The following IQCM variants were observed in gnomAD, a reference collection of about 807,000 sequenced individuals.
IQCM encodes IQ domain-containing protein M.
A neutral mutation model predicts 57.6 loss-of-function variants in IQCM; 45 were observed. That is an observed-to-expected ratio of 0.78 (90% confidence interval 0.62 to 1.00). The LOEUF (loss-of-function observed/expected upper bound fraction) is 1.00, where lower values mean the gene tolerates loss of function less well. Among genes scored for constraint, IQCM ranks in the 50% least tolerant of loss-of-function variants. The pLI, the probability that IQCM is intolerant of heterozygous loss-of-function variation, is 0.00. For synonymous variants in IQCM, 148 were observed against 158.9 expected (o/e 0.93, Z 0.51); for missense variants, 468 against 511.6 (o/e 0.91, Z 0.82).
At chr4:149,458,568 T>C (rs1430877711) in intron 12 of IQCM, among the ~76,000 whole-genome samples, 4 of 151,894 alleles carry the variant, frequency 2.6e-5, no homozygotes, top group African/African-American at 4.8e-5. Context: ...GTGTGGTAGG[T>C]TTTAATTTTT....
chr4:149,685,438 T>TA (rs1762479513), intron 6 of IQCM, among the ~76,000 whole-genome samples: 1 of 151,494 alleles, frequency 6.6e-6, no homozygotes, highest in Admixed American at 6.6e-5. Context: ...ATCATGGGTA[T>TA]AACCAAACCT....
At position 149,440,822 on chromosome 4, in the gene IQCM, C is replaced by T. The variant is rs562436000; in HGVS notation, c.1229-7265G>A. Among the ~76,000 whole-genome samples, 6 of 152,116 alleles carry T rather than the reference C, an allele frequency of 3.9e-5. No individual in the cohort carries two copies. The East Asian group carries it at 7.7e-4, about 20-fold the overall frequency. On this transcript the variant is annotated intron_variant, in intron 12 of 13. Coordinates refer to ENST00000636793, the MANE Select transcript of IQCM (RefSeq NM_001363507.2). ...AGCCATTCTTTAACTTTTTAGACTT[C>T]GTTTTCCAGACTTATTTAGATTTCT...
At chr4:149,678,028 A>T (rs1201659906) in intron 7 of IQCM, among the ~76,000 whole-genome samples, 1 of 151,878 alleles carries the variant, frequency 6.6e-6, no homozygotes, top group Non-Finnish European at 1.5e-5. Context: ...CACCTAAAAG[A>T]TATAGAAAAT....
chr4:149,728,864 A>T (rs921405090), intron 5 of IQCM, among the ~76,000 whole-genome samples: 1 of 152,166 alleles, frequency 6.6e-6, no homozygotes, highest in Admixed American at 6.5e-5. Flanking sequence ...TAGGCACTAC[A>T]TCCAGCTCAG....
chr4:149,654,454 T>C (rs1057080534), intron 7 of IQCM, among the ~76,000 whole-genome samples: 1 of 152,138 alleles, frequency 6.6e-6, no homozygotes, highest in African/African-American at 2.4e-5. Context: ...CCACTCTCTG[T>C]TGCCCCTGCT....
At chr4:149,379,986 T>C (rs1730965750) in intron 13 of IQCM, among the ~76,000 whole-genome samples, 2 of 152,140 alleles carry the variant, frequency 1.3e-5, no homozygotes, top group Non-Finnish European at 2.9e-5. Flanking sequence ...TCTGATGGTT[T>C]TATAAGGGGA....
intron 5 of IQCM, among the ~76,000 whole-genome samples, chr4:149,701,731 A>G (rs969391370): frequency 1.3e-5 from 2 of 152,018 alleles, no homozygotes; most frequent in African/African-American, 4.8e-5. Flanking sequence ...AGATACTACA[A>G]GAATAGAAAA....
chr4:149,733,047 C>T (rs1286171419), intron 5 of IQCM, among the ~76,000 whole-genome samples, 197 bp downstream of exon 5: 3 of 152,144 alleles, frequency 2.0e-5, no homozygotes, highest in Non-Finnish European at 2.9e-5. Context: ...TTCTCTTTCC[C>T]TTTAGAATGG....
intron 13 of IQCM, among the ~76,000 whole-genome samples, chr4:149,431,541 G>A (rs934585913): frequency 2.0e-5 from 3 of 151,736 alleles, no homozygotes; most frequent in African/African-American, 7.3e-5. Flanking sequence ...ACAATTCTAT[G>A]GGTTTTGACT....
chr4:149,454,180 A>T (rs1272669417), intron 12 of IQCM, among the ~76,000 whole-genome samples: 1 of 150,314 alleles, frequency 6.7e-6, no homozygotes, highest in African/African-American at 2.4e-5. Flanking sequence ...ACACACACAC[A>T]CACACACACA....
chr4:149,654,481 C>G (rs891734283), intron 7 of IQCM, among the ~76,000 whole-genome samples: 3 of 152,158 alleles, frequency 2.0e-5, no homozygotes, highest in African/African-American at 7.2e-5. Context: ...ATGCAACATG[C>G]AAGCTCCTGC....
In IQCM at chr4:149,810,578, C is replaced by T. The variant is rs375806798; in HGVS notation, c.-49+4733G>A. Among the ~76,000 whole-genome samples, 45 of 151,750 alleles carry T rather than the reference C, an allele frequency of 3.0e-4. 2 individuals carry two copies. The South Asian group carries it at 8.9e-3, about 30-fold the overall frequency. On this transcript the variant is annotated intron_variant, in intron 2 of 13. Transcript: ENST00000636793. ...GATTCTCCTGCCTCAGCCTCCTGAG[C>T]AGCTGGGATTAAAGGCACGTGCCAC...
chr4:149,356,526 C>G (rs977882755), intron 13 of IQCM, among the ~76,000 whole-genome samples: 9 of 151,868 alleles, frequency 5.9e-5, no homozygotes, highest in South Asian at 2.1e-4. Context: ...GCTTGTTTTT[C>G]TCAGGTTTGT....
At chr4:149,444,198 G>A (rs1057396807) in intron 12 of IQCM, among the ~76,000 whole-genome samples, 3 of 151,814 alleles carry the variant, frequency 2.0e-5, no homozygotes, top group African/African-American at 7.2e-5. Flanking sequence ...AAGACATTTG[G>A]AAAGACATAT....
chr4:149,730,665 T>C (rs1766375219), intron 5 of IQCM, among the ~76,000 whole-genome samples: 2 of 152,230 alleles, frequency 1.3e-5, no homozygotes, highest in South Asian at 4.1e-4. Context: ...TTTCAAAATT[T>C]ACCAAAGACT....
intron 5 of IQCM, among the ~76,000 whole-genome samples, chr4:149,720,384 T>C (rs938829741): frequency 6.6e-6 from 1 of 152,246 alleles, no homozygotes; most frequent in African/African-American, 2.4e-5. Context: ...TATTAATTCA[T>C]ATTTAAGATG....
chr4:149,575,341 G>C (rs558432249), intron 9 of IQCM, among the ~76,000 whole-genome samples: 32 of 151,764 alleles, frequency 2.1e-4, no homozygotes, highest in Non-Finnish European at 4.3e-4. Context: ...TTCATCTTTT[G>C]TCTCATTATT....
At chr4:149,716,459 A>G (rs12386444) in intron 5 of IQCM, among the ~76,000 whole-genome samples, 36,173 of 152,132 alleles carry the variant, frequency 0.24, 4,479 homozygotes, top group African/African-American at 0.3. Context: ...CAGGCCCCCA[A>G]GAGAGCAGAG....
At chr4:149,792,466 T>C (rs1772724684) in intron 2 of IQCM, among the ~76,000 whole-genome samples, 1 of 152,152 alleles carries the variant, frequency 6.6e-6, no homozygotes, top group Admixed American at 6.6e-5. Flanking sequence ...TAAAGTATTA[T>C]AATTTAAAGG....
Sources: gnomAD v4.1 joint callset for allele counts (sites outside exome capture counted in the v4.1 genomes callset) on GRCh38, gnomAD v4.1.1 for gene constraint, MANE v1.5 for transcripts, NCBI Gene and HGNC (gene_info 2026-07-23, HGNC 2026-07-21) for gene names.